The following TCP11L2 variants were observed in gnomAD, a reference collection of about 807,000 sequenced individuals.
The protein encoded by TCP11L2 is T-complex protein 11-like protein 2.
TCP11L2 carries 39 observed loss-of-function variants against 50.7 expected under a neutral mutation model. That is an observed-to-expected ratio of 0.77 (90% CI 0.60 to 1.01). The LOEUF (loss-of-function observed/expected upper bound fraction) is 1.01, where lower values mean the gene tolerates loss of function less well. TCP11L2 is among the 50% of genes least tolerant of loss of function. The pLI is 0.00. For synonymous variants in TCP11L2, 192 were observed against 219.3 expected (o/e 0.88, Z 1.10); for missense variants, 612 against 614.7 (o/e 1.00, Z 0.05).
chr12:106,315,111 G>A (rs1199790231), intron 3 of TCP11L2, among the ~76,000 whole-genome samples: 2 of 151,758 alleles, frequency 1.3e-5, no homozygotes, highest in Non-Finnish European at 2.9e-5. Context: ...GGTGGGGCGC[G>A]TGTAATCCCA....
rs576169227 is a variant in TCP11L2, at chr12:106,315,673, G to A, written c.293+1180G>A. On this transcript the variant is annotated intron_variant, in intron 3 of 9. Transcript: ENST00000299045. ...GGCAATCCAGAAATGTCTGGAGGTA[G>A]GAATCACAGCTGCAAGAGGCACTTC... Among the ~76,000 whole-genome samples, 12 of 152,324 alleles carry A rather than the reference G, an allele frequency of 7.9e-5. No individual in the cohort carries two copies. The South Asian group carries it at 1.9e-3, about 24-fold the overall frequency.
intron 6 of TCP11L2, among the ~76,000 whole-genome samples, chr12:106,327,677 CAA>C (rs1362287431): frequency 6.6e-6 from 1 of 152,106 alleles, no homozygotes; most frequent in Admixed American, 6.5e-5. Context: ...GTCACTCTGC[CAA>C]AAGTCAGCCC....
intron 2 of TCP11L2, chr12:106,312,426 C>A: frequency 8.2e-7 from 1 of 1,215,494 alleles, no homozygotes; most frequent in Non-Finnish European, 1.0e-6. Context: ...TTAACAGCAG[C>A]CACCCCAGGT....
intron 1 of TCP11L2, among the ~76,000 whole-genome samples, chr12:106,309,485 G>A (rs1245316136): frequency 6.6e-6 from 1 of 151,816 alleles, no homozygotes; most frequent in Admixed American, 6.6e-5. Context: ...GATTGAAGAC[G>A]GTTGTTTAGG....
intron 2 of TCP11L2, among the ~76,000 whole-genome samples, chr12:106,311,800 A>G (rs937838528): frequency 1.3e-5 from 2 of 152,142 alleles, no homozygotes; most frequent in Admixed American, 6.5e-5. Flanking sequence ...GCATGTAGAA[A>G]CTAGAGATGG....
Position 106,307,486 on chromosome 12 carries a change from C to G in TCP11L2, c.-35-3555C>G, listed in dbSNP as rs570407696. 87 of 152,290 alleles carry G rather than the reference C, an allele frequency of 5.7e-4. 1 individual carries two copies. The highest frequency in any genetic ancestry group is 1.9e-3 in the African/African-American group (81 of 41,564). 9.4% of individuals were successfully genotyped at this position (152,290 alleles called of 1,614,324 possible). ...AGTATTACCTTTCTTAAAGATACAG[C>G]CTGGTTTCATTATCATCAGTCTAAA... On this transcript the variant is annotated intron_variant, in intron 1 of 9. Transcript: ENST00000299045.
chr12:106,302,559 A>G (rs1346241883), upstream of TCP11L2, among the ~76,000 whole-genome samples: 1 of 150,778 alleles, frequency 6.6e-6, no homozygotes, highest in African/African-American at 2.4e-5. Flanking sequence ...CGCGCGGGGG[A>G]ACCGTGCCCT....
Position 106,311,247 on chromosome 12 carries a change from G to A in TCP11L2, c.157+15G>A. 2 of 1,612,026 alleles carry A rather than the reference G, an allele frequency of 1.2e-6. No individual in the cohort carries two copies. The highest frequency in any genetic ancestry group is 1.7e-6 in the Non-Finnish European group (2 of 1,178,600). ...CTCTCCTGCTTGTGAGCCGATGGGG[G>A]AGCAGGGGTTGTGGGTGGCAGGGGT... is the stretch of plus-strand genomic sequence containing the variant. On this transcript the variant is annotated intron_variant, in intron 2 of 9. Transcript: ENST00000299045.
chr12:106,318,497 T>C, intron 4 of TCP11L2, 33 bp downstream of exon 4: 1 of 1,609,842 alleles, frequency 6.2e-7, no homozygotes, highest in Non-Finnish European at 8.5e-7. Flanking sequence ...TCAGTTAGCG[T>C]CTTACTCCAG....
At chr12:106,314,533 T>C in intron 3 of TCP11L2, 40 bp downstream of exon 3, 1 of 1,477,448 alleles carries the variant, frequency 6.8e-7, no homozygotes. Context: ...CTGCTGAAGA[T>C]TCTGTGTGTG....
At chr12:106,318,905 T>TTTTA (rs1565845634) in intron 4 of TCP11L2, among the ~76,000 whole-genome samples, 29 of 150,862 alleles carry the variant, frequency 1.9e-4, no homozygotes, top group African/African-American at 6.3e-4. Flanking sequence ...TATTTTTTTT[T>TTTTA]TTTTTTTTAT....
Position 106,311,235 on chromosome 12 carries a change from G to A in TCP11L2, c.157+3G>A. 6.2e-7 allele frequency: 1 copy of A among 1,613,426 alleles called. No homozygotes were observed. The highest frequency in any genetic ancestry group is 8.5e-7 in the Non-Finnish European group (1 of 1,179,566). On this transcript the variant is annotated splice_donor_region_variant and intron_variant, in intron 2 of 9. Coordinates refer to ENST00000299045, the MANE Select transcript of TCP11L2 (RefSeq NM_152772.3). Reference sequence around the variant, plus strand: ...CAGCAAATCCAGCTCTCCTGCTTGTGAGCCGATGGGGGAGCAGGGGTTGTG... The same window carrying A: ...CAGCAAATCCAGCTCTCCTGCTTGTAAGCCGATGGGGGAGCAGGGGTTGTG...
At chr12:106,336,712 C>T (rs2035934393) in intron 8 of TCP11L2, among the ~76,000 whole-genome samples, 1 of 152,104 alleles carries the variant, frequency 6.6e-6, no homozygotes, top group Admixed American at 6.5e-5. Flanking sequence ...GCCGCCACGC[C>T]CAGCTAATTT....
chr12:106,307,173 G>A (rs2034665583), intron 1 of TCP11L2: 1 of 152,206 alleles, frequency 6.6e-6, no homozygotes, highest in Admixed American at 6.5e-5. Flanking sequence ...TTGAATGCTT[G>A]CTGCATTCCA....
Position 106,316,504 on chromosome 12 carries a change from C to T in TCP11L2, c.294-1840C>T, listed in dbSNP as rs2035087903. Among the ~76,000 whole-genome samples, 2 of 152,018 alleles carry T rather than the reference C, an allele frequency of 1.3e-5. 1 individual carries two copies. The highest frequency in any genetic ancestry group is 1.3e-4 in the Admixed American group (2 of 15,262). Reference sequence around the variant, plus strand: ...TGTCTCATAAACTTTGTTCCTCTGACTTCTTCTTTTTGAATGTTCTTTTCC... The same window carrying T: ...TGTCTCATAAACTTTGTTCCTCTGATTTCTTCTTTTTGAATGTTCTTTTCC... On this transcript the variant is annotated intron_variant, in intron 3 of 9. Coordinates refer to ENST00000299045, the MANE Select transcript of TCP11L2 (RefSeq NM_152772.3).
chr12:106,326,924 G>A (rs968571575), intron 6 of TCP11L2, among the ~76,000 whole-genome samples: 28 of 152,198 alleles, frequency 1.8e-4, no homozygotes, highest in Admixed American at 1.8e-3. Flanking sequence ...CTTCAAAGGG[G>A]AGGGAGTAAA....
intron 8 of TCP11L2, among the ~76,000 whole-genome samples, chr12:106,339,154 G>T (rs1434480353): frequency 1.3e-5 from 2 of 151,892 alleles, no homozygotes; most frequent in Non-Finnish European, 2.9e-5. Flanking sequence ...CAAAAGAAAA[G>T]AAAAGAAAAA....
intron 3 of TCP11L2, among the ~76,000 whole-genome samples, chr12:106,316,871 G>C (rs1444918466): frequency 6.6e-6 from 1 of 152,062 alleles, no homozygotes; most frequent in Non-Finnish European, 1.5e-5. Context: ...TTGTTTTAAA[G>C]TTAAAATTTG....
At position 106,346,820 on chromosome 12, in the gene TCP11L2, G is replaced by A; in HGVS notation, c.*290G>A. On this transcript the variant is annotated 3_prime_UTR_variant, in exon 10 of 10. Coordinates refer to ENST00000299045, the MANE Select transcript of TCP11L2 (RefSeq NM_152772.3). ...TAATTATATTACCTATATAATACTTGTAAATGTTTTCTTAACCATTTATAT... is the reference window on the plus strand; with the variant it reads ...TAATTATATTACCTATATAATACTTATAAATGTTTTCTTAACCATTTATAT... The A allele has an allele frequency of 3.6e-6, 1 of 277,918 alleles. No homozygotes were observed. The highest frequency in any genetic ancestry group is 6.7e-6 in the Non-Finnish European group (1 of 149,142). 17.2% of individuals were successfully genotyped at this position (277,918 alleles called of 1,614,324 possible).
Sources: allele counts gnomAD v4.1 joint callset (sites outside exome capture counted in the v4.1 genomes callset), GRCh38; gene constraint gnomAD v4.1.1; transcripts MANE v1.5; gene names NCBI Gene and HGNC (gene_info 2026-07-23, HGNC 2026-07-21).